GALNT14: variants seen among roughly 807,000 people sequenced by gnomAD.
GALNT14 encodes the protein UDP-GalNAc:polypeptide N-acetylgalactosaminyltransferase 14.
Under a neutral mutation model 77.5 loss-of-function variants are expected in GALNT14, and 60 were observed. The ratio of observed to expected loss-of-function variants is 0.77; its 90% CI spans 0.63 to 0.96. GALNT14 has a LOEUF of 0.96. Among genes scored for constraint, GALNT14 ranks in the 40% least tolerant of loss-of-function variants. The probability of loss-of-function intolerance (pLI) is 0.00; values close to 1 mark genes in which losing one functional copy is unlikely to be tolerated. For synonymous variants in GALNT14, 280 were observed against 281.7 expected (o/e 0.99, Z 0.06); for missense variants, 710 against 731.0 (o/e 0.97, Z 0.33).
chr2:31,134,279 G>A (rs1485478175), intron 1 of GALNT14, among the ~76,000 whole-genome samples: 1 of 152,158 alleles, frequency 6.6e-6, no homozygotes. Context: ...AAGGAAGGGA[G>A]CCCACTCCTC....
intron 1 of GALNT14, among the ~76,000 whole-genome samples, chr2:31,005,532 C>A (rs1176784405): frequency 6.6e-6 from 1 of 152,208 alleles, no homozygotes; most frequent in African/African-American, 2.4e-5. Context: ...GCATACACAA[C>A]ATATTATCAT....
chr2:31,021,783 T>C (rs1378892434), intron 1 of GALNT14, among the ~76,000 whole-genome samples: 3 of 152,188 alleles, frequency 2.0e-5, no homozygotes, highest in Admixed American at 1.3e-4. Flanking sequence ...AAAAGTTTGT[T>C]GAGTCCTGGT....
At chr2:31,097,241 G>A (rs73921468) in intron 1 of GALNT14, among the ~76,000 whole-genome samples, 275 of 152,226 alleles carry the variant, frequency 1.8e-3, no homozygotes, top group African/African-American at 6.5e-3. Context: ...GGAGAAAAGA[G>A]CTAAAGGAGA....
chr2:31,103,494 C>CACACAT (rs1677393918), intron 1 of GALNT14, among the ~76,000 whole-genome samples: 3 of 151,908 alleles, frequency 2.0e-5, no homozygotes, highest in Admixed American at 2.0e-4. Context: ...GAAGGAAACA[C>CACACAT]ACACACACAC....
chr2:30,942,391 C>T (rs543440764), intron 8 of GALNT14, 87 bp from the exon 9 acceptor site: 223 of 933,866 alleles, frequency 2.4e-4, no homozygotes, highest in Non-Finnish European at 3.4e-4. Context: ...CTGAAACACC[C>T]ATTTCCCATT....
At chr2:30,985,464 C>T (rs1399177150) in intron 2 of GALNT14, among the ~76,000 whole-genome samples, 2 of 152,002 alleles carry the variant, frequency 1.3e-5, no homozygotes, top group African/African-American at 2.4e-5. Flanking sequence ...GCTACGTGGC[C>T]AAGACAAAAA....
chr2:30,951,016 C>A (rs751958109), intron 6 of GALNT14, among the ~76,000 whole-genome samples: 1 of 152,172 alleles, frequency 6.6e-6, no homozygotes, highest in South Asian at 2.1e-4. Flanking sequence ...GGGGTCCCTG[C>A]AGGTTAAGCA....
downstream of GALNT14, among the ~76,000 whole-genome samples, chr2:30,906,973 G>A (rs1476616771): frequency 6.6e-6 from 1 of 152,190 alleles, no homozygotes; most frequent in Non-Finnish European, 1.5e-5. Flanking sequence ...GGTACATAAT[G>A]AAATGAAGGC....
chr2:30,987,336 C>T lies in GALNT14; in HGVS notation c.299+5502G>A, dbSNP rs564290127. On this transcript the variant is annotated intron_variant, in intron 2 of 14. Coordinates refer to ENST00000349752, the MANE Select transcript of GALNT14 (RefSeq NM_024572.4). ...AGGGCATGCCTGCGAAGCTGTAGAA[C>T]TTACCTTTTGAGCCATACTGGATGT... Among the ~76,000 whole-genome samples the T allele has an allele frequency of 1.7e-4, 26 of 152,300 alleles. No individual in the cohort carries two copies. In the South Asian group the frequency reaches 5.4e-3, roughly 32 times the overall value.
intron 1 of GALNT14, among the ~76,000 whole-genome samples, chr2:31,030,996 G>A (rs1208900798): frequency 6.6e-6 from 1 of 152,202 alleles, no homozygotes; most frequent in East Asian, 1.9e-4. Flanking sequence ...CAAGCATCAT[G>A]AGAAAGCGCA....
At chr2:31,047,475 T>C (rs1277209603) in intron 1 of GALNT14, among the ~76,000 whole-genome samples, 3 of 152,208 alleles carry the variant, frequency 2.0e-5, no homozygotes. Context: ...CATTTGGAGC[T>C]ACTCTCTGGG....
chr2:31,104,788 C>T (rs1379383727), intron 1 of GALNT14, among the ~76,000 whole-genome samples: 1 of 152,148 alleles, frequency 6.6e-6, no homozygotes, highest in Non-Finnish European at 1.5e-5. Flanking sequence ...TCTTCTCAGC[C>T]CATCACATCC....
chr2:31,000,125 C>T (rs1412324300), intron 1 of GALNT14, among the ~76,000 whole-genome samples: 1 of 152,160 alleles, frequency 6.6e-6, no homozygotes, highest in African/African-American at 2.4e-5. Flanking sequence ...TTTCTAGAAG[C>T]AAGCCTATCT....
chr2:31,054,171 TG>T (rs1674071271), intron 1 of GALNT14, among the ~76,000 whole-genome samples: 1 of 152,246 alleles, frequency 6.6e-6, no homozygotes, highest in Non-Finnish European at 1.5e-5. Flanking sequence ...GTCCAGTGCA[TG>T]CTTTGATCCC....
chr2:31,014,845 A>T (rs1368608116), intron 1 of GALNT14, among the ~76,000 whole-genome samples: 2 of 152,168 alleles, frequency 1.3e-5, no homozygotes, highest in African/African-American at 4.8e-5. Flanking sequence ...TGCCATAATT[A>T]ATTCAACAAG....
chr2:30,902,468 G>A, the GALNT14 span, among the ~76,000 whole-genome samples: 1 of 152,044 alleles, frequency 6.6e-6, no homozygotes, highest in Non-Finnish European at 1.5e-5. Context: ...GTGACTCTTC[G>A]TTATCACCCC....
At chr2:31,000,558 T>C (rs1478627780) in intron 1 of GALNT14, among the ~76,000 whole-genome samples, 1 of 151,626 alleles carries the variant, frequency 6.6e-6, no homozygotes, top group Non-Finnish European at 1.5e-5. Context: ...GAGGTACAAA[T>C]CCAAAATCCT....
At chr2:31,000,435 C>CTGTGTGTGTGTGTGTGTGTGTG (rs3223043) in intron 1 of GALNT14, among the ~76,000 whole-genome samples, 1 of 145,974 alleles carries the variant, frequency 6.9e-6, no homozygotes, top group South Asian at 2.3e-4. Context: ...ATATCACCAA[C>CTGTGTGTGTGTGTGTGTGTGTG]TGTGTGTGTG....
intron 13 of GALNT14, among the ~76,000 whole-genome samples, chr2:30,917,831 G>A (rs927643987): frequency 1.3e-5 from 2 of 152,346 alleles, no homozygotes; most frequent in South Asian, 2.1e-4. Flanking sequence ...CAAGTATCCA[G>A]GGCCTTGAAC....
Sources: gnomAD v4.1 joint callset for allele counts (sites outside exome capture counted in the v4.1 genomes callset) on GRCh38, gnomAD v4.1.1 for gene constraint, MANE v1.5 for transcripts, NCBI Gene and HGNC (gene_info 2026-07-23, HGNC 2026-07-21) for gene names.